Variants in CAMKMT observed in about 807,000 individuals in gnomAD.
The protein encoded by CAMKMT is calmodulin-lysine N-methyltransferase.
Under a neutral mutation model 48.0 loss-of-function variants are expected in CAMKMT, and 53 were observed. The observed-to-expected ratio is 1.10, with a 90% CI of 0.89 to 1.39. CAMKMT has a LOEUF of 1.39. Ranked by LOEUF, CAMKMT falls within the 40% of genes most tolerant of loss-of-function variation. CAMKMT has a pLI of 0.00. For synonymous variants in CAMKMT, 165 were observed against 152.3 expected (o/e 1.08, Z -0.61); for missense variants, 428 against 402.7 (o/e 1.06, Z -0.54).
chr2:44,369,189 C>T (rs565536904), intron 1 of CAMKMT, among the ~76,000 whole-genome samples: 1 of 151,990 alleles, frequency 6.6e-6, no homozygotes, highest in South Asian at 2.1e-4. Context: ...TGAACAAGAC[C>T]CTGCTTTTGA....
intron 3 of CAMKMT, among the ~76,000 whole-genome samples, chr2:44,485,612 A>G (rs906252499): frequency 5.9e-5 from 9 of 152,186 alleles, no homozygotes; most frequent in African/African-American, 1.9e-4. Flanking sequence ...CTCTGAGGCT[A>G]CAAACCTCTC....
At chr2:44,667,277 T>A (rs1157514102) in intron 3 of CAMKMT, among the ~76,000 whole-genome samples, 4 of 152,158 alleles carry the variant, frequency 2.6e-5, no homozygotes, top group Non-Finnish European at 4.4e-5. Flanking sequence ...TGTTGACTCA[T>A]TCCATCCACC....
At chr2:44,541,770 CA>C (rs34738217) in intron 3 of CAMKMT, among the ~76,000 whole-genome samples, 4,663 of 67,204 alleles carry the variant, frequency 0.069, 146 homozygotes, top group African/African-American at 0.18. Context: ...AACTCTGTCT[CA>C]AAAAAAAAAA....
intron 10 of CAMKMT, among the ~76,000 whole-genome samples, chr2:44,768,625 G>A (rs1437944066): frequency 6.6e-6 from 1 of 152,070 alleles, no homozygotes; most frequent in East Asian, 1.9e-4. Flanking sequence ...GGGCGCGAAG[G>A]CGGAGGCCCA....
chr2:44,367,818 G>A (rs939689816), intron 1 of CAMKMT, among the ~76,000 whole-genome samples: 1 of 152,168 alleles, frequency 6.6e-6, no homozygotes, highest in African/African-American at 2.4e-5. Flanking sequence ...ACCATTGTGG[G>A]GAAGTGTAGT....
chr2:44,539,417 G>A (rs1264741803), intron 3 of CAMKMT, among the ~76,000 whole-genome samples: 1 of 151,762 alleles, frequency 6.6e-6, no homozygotes, highest in African/African-American at 2.4e-5. Flanking sequence ...TTACTTAAAA[G>A]TATTTCAGTG....
chr2:44,373,742 C>T lies in CAMKMT; in HGVS notation c.311+854C>T, dbSNP rs563955676. Among the ~76,000 whole-genome samples, 5 of 152,156 alleles carry T rather than the reference C, an allele frequency of 3.3e-5. 1 individual carries two copies. In the South Asian group the frequency reaches 6.2e-4, roughly 19 times the overall value. On this transcript the variant is annotated intron_variant, in intron 2 of 10. Transcript: ENST00000378494. ...AGTTTAGAATATCTAAGCTTTAAAACATAATAGCTAAAAATTGGGATTTGG... is the reference window on the plus strand; with the variant it reads ...AGTTTAGAATATCTAAGCTTTAAAATATAATAGCTAAAAATTGGGATTTGG...
chr2:44,447,247 C>T (rs150906321), intron 3 of CAMKMT, among the ~76,000 whole-genome samples: 1 of 152,264 alleles, frequency 6.6e-6, no homozygotes, highest in African/African-American at 2.4e-5. Context: ...TTAAAACTCA[C>T]ATTTTATAAC....
intron 3 of CAMKMT, among the ~76,000 whole-genome samples, chr2:44,668,927 G>A (rs1465323316): frequency 6.6e-6 from 1 of 151,926 alleles, no homozygotes; most frequent in East Asian, 1.9e-4. Context: ...GACTACAGGT[G>A]CCTGCCACAA....
At chr2:44,431,416 G>A (rs1243034996) in intron 3 of CAMKMT, among the ~76,000 whole-genome samples, 3 of 152,126 alleles carry the variant, frequency 2.0e-5, no homozygotes, top group South Asian at 2.1e-4. Context: ...GGATAAAATG[G>A]CCTCCAGAAG....
chr2:44,607,493 TA>T (rs1467059401), intron 3 of CAMKMT, among the ~76,000 whole-genome samples: 1 of 152,184 alleles, frequency 6.6e-6, no homozygotes, highest in Non-Finnish European at 1.5e-5. Flanking sequence ...GTAGTGAACA[TA>T]AAAGCACCAG....
chr2:44,612,671 C>T (rs1281690632), intron 3 of CAMKMT, among the ~76,000 whole-genome samples: 1 of 152,046 alleles, frequency 6.6e-6, no homozygotes, highest in Non-Finnish European at 1.5e-5. Flanking sequence ...ACCAGCCCAC[C>T]AAAAAATCAA....
chr2:44,572,872 G>T (rs1006361816), intron 3 of CAMKMT, among the ~76,000 whole-genome samples: 1 of 152,124 alleles, frequency 6.6e-6, no homozygotes, highest in Non-Finnish European at 1.5e-5. Flanking sequence ...TGTTTTCCAC[G>T]GTGGCTACAT....
intron 3 of CAMKMT, among the ~76,000 whole-genome samples, chr2:44,579,009 A>G (rs1180967320): frequency 5.3e-5 from 8 of 152,230 alleles, no homozygotes; most frequent in African/African-American, 1.9e-4. Flanking sequence ...ACAAAGCTCC[A>G]TTTGTGACTG....
At chr2:44,726,196 A>G (rs992771365) in intron 7 of CAMKMT, among the ~76,000 whole-genome samples, 4 of 152,188 alleles carry the variant, frequency 2.6e-5, no homozygotes, top group Admixed American at 2.0e-4. Context: ...TTCTTTGAGA[A>G]ATTTTCAGAC....
At chr2:44,544,238 A>T (rs1002048054) in intron 3 of CAMKMT, among the ~76,000 whole-genome samples, 1 of 152,138 alleles carries the variant, frequency 6.6e-6, no homozygotes, top group Non-Finnish European at 1.5e-5. Context: ...TTACCTGGAC[A>T]TTTGGGAAAG....
At chr2:44,678,399 G>A (rs1204391429) in intron 3 of CAMKMT, among the ~76,000 whole-genome samples, 1 of 152,144 alleles carries the variant, frequency 6.6e-6, no homozygotes, top group East Asian at 1.9e-4. Flanking sequence ...GAGCCTACCT[G>A]AGATCATGAG....
At chr2:44,420,653 C>T (rs1683875187) in intron 3 of CAMKMT, among the ~76,000 whole-genome samples, 3 of 151,816 alleles carry the variant, frequency 2.0e-5, no homozygotes, top group African/African-American at 7.3e-5. Flanking sequence ...TGAGGCACCT[C>T]CCAGACAATA....
intron 3 of CAMKMT, among the ~76,000 whole-genome samples, chr2:44,451,377 A>G (rs1456899414): frequency 1.3e-5 from 2 of 152,040 alleles, no homozygotes; most frequent in East Asian, 1.9e-4. Context: ...TTATAACTCA[A>G]AAACAAACTA....
Sources: allele counts gnomAD v4.1 joint callset (sites outside exome capture counted in the v4.1 genomes callset), GRCh38; gene constraint gnomAD v4.1.1; transcripts MANE v1.5; gene names NCBI Gene and HGNC (gene_info 2026-07-23, HGNC 2026-07-21).